The following ATXN1 variants were observed in gnomAD, a reference collection of about 807,000 sequenced individuals.
ATXN1 encodes the protein ataxin-1.
Under a neutral mutation model 56.4 loss-of-function variants are expected in ATXN1, and 8 were observed. The observed-to-expected ratio is 0.14, with a 90% CI of 0.08 to 0.26. The LOEUF is 0.26. Ranked by LOEUF, ATXN1 falls within the 10% of genes least tolerant of loss-of-function variation. The pLI, the probability that ATXN1 is intolerant of heterozygous loss-of-function variation, is 1.00. For synonymous variants in ATXN1, 514 were observed against 494.6 expected, an observed-to-expected ratio of 1.04 and a Z score of -0.52; for missense variants, 987 against 1,106.5, an observed-to-expected ratio of 0.89 and a Z score of 1.53.
At chr6:16,525,813 T>TC (rs1761381762) in intron 4 of ATXN1, among the ~76,000 whole-genome samples, 1 of 150,642 alleles carries the variant, frequency 6.6e-6, no homozygotes, top group Non-Finnish European at 1.5e-5. Context: ...AAATTAAAAA[T>TC]TAAAAAAAAA....
chr6:16,543,249 G>A (rs948620569), intron 4 of ATXN1, among the ~76,000 whole-genome samples: 3 of 152,126 alleles, frequency 2.0e-5, no homozygotes, highest in Non-Finnish European at 4.4e-5. Context: ...TGCGGGAGGG[G>A]ACATGTGGCC....
At chr6:16,453,763 T>C (rs1387046350) in intron 6 of ATXN1, among the ~76,000 whole-genome samples, 2 of 152,180 alleles carry the variant, frequency 1.3e-5, no homozygotes, top group Non-Finnish European at 2.9e-5. Flanking sequence ...ATATCTGCTG[T>C]ATAGGAATAA....
At chr6:16,715,452 C>T (rs1056315901) in intron 2 of ATXN1, among the ~76,000 whole-genome samples, 1 of 152,122 alleles carries the variant, frequency 6.6e-6, no homozygotes, top group Admixed American at 6.6e-5. Flanking sequence ...GGCAGTGGTT[C>T]CCAACATTTT....
intron 2 of ATXN1, among the ~76,000 whole-genome samples, chr6:16,700,215 T>C (rs930533057): frequency 6.6e-6 from 1 of 152,122 alleles, no homozygotes; most frequent in Non-Finnish European, 1.5e-5. Flanking sequence ...TCCATGCTGG[T>C]CAAACTGGCG....
At chr6:16,654,119 T>C (rs1251263443) in intron 3 of ATXN1, among the ~76,000 whole-genome samples, 1 of 152,218 alleles carries the variant, frequency 6.6e-6, no homozygotes, top group East Asian at 1.9e-4. Context: ...AACACTGGTC[T>C]GTGATTTGAT....
chr6:16,399,202 G>A (rs1310698699), intron 6 of ATXN1, among the ~76,000 whole-genome samples: 1 of 152,206 alleles, frequency 6.6e-6, no homozygotes, highest in Non-Finnish European at 1.5e-5. Flanking sequence ...ATGTGGCAGT[G>A]AATGCACAGA....
At chr6:16,752,319 G>C (rs1388860061) in intron 2 of ATXN1, among the ~76,000 whole-genome samples, 1 of 152,178 alleles carries the variant, frequency 6.6e-6, no homozygotes, top group Non-Finnish European at 1.5e-5. Flanking sequence ...GGCCGACCCA[G>C]GGGTTCCCAA....
At chr6:16,450,975 C>T (rs1453296287) in intron 6 of ATXN1, among the ~76,000 whole-genome samples, 1 of 152,088 alleles carries the variant, frequency 6.6e-6, no homozygotes, top group African/African-American at 2.4e-5. Flanking sequence ...TTAAAGTAGA[C>T]CCCCCCAAGG....
intron 2 of ATXN1, among the ~76,000 whole-genome samples, chr6:16,666,015 T>G (rs1201948978): frequency 6.6e-6 from 1 of 152,206 alleles, no homozygotes; most frequent in Non-Finnish European, 1.5e-5. Context: ...CTAGTTATTT[T>G]GAAATATACA....
intron 5 of ATXN1, among the ~76,000 whole-genome samples, chr6:16,499,646 A>C (rs1338307819): frequency 6.6e-6 from 1 of 152,194 alleles, no homozygotes; most frequent in East Asian, 1.9e-4. Flanking sequence ...TCTCTTTCCA[A>C]GCCCGACACC....
intron 2 of ATXN1, among the ~76,000 whole-genome samples, chr6:16,751,985 T>C (rs184349491): frequency 6.6e-6 from 1 of 152,350 alleles, no homozygotes; most frequent in Admixed American, 6.5e-5. Flanking sequence ...TGAAAGGACA[T>C]AGGACTACTC....
At chr6:16,674,171 T>C (rs574358257) in intron 2 of ATXN1, among the ~76,000 whole-genome samples, 9 of 152,182 alleles carry the variant, frequency 5.9e-5, no homozygotes, top group Non-Finnish European at 1.0e-4. Flanking sequence ...GACTTTTTTT[T>C]AAAATGGCCC....
At chr6:16,723,714 T>C (rs1490243424) in intron 2 of ATXN1, among the ~76,000 whole-genome samples, 2 of 152,120 alleles carry the variant, frequency 1.3e-5, no homozygotes, top group East Asian at 1.9e-4. Flanking sequence ...ATTAATAACA[T>C]AGTGCACTTC....
chr6:16,338,322 T>C (rs1375577604), intron 6 of ATXN1, among the ~76,000 whole-genome samples: 1 of 151,636 alleles, frequency 6.6e-6, no homozygotes, highest in Non-Finnish European at 1.5e-5. Flanking sequence ...TGAAATCCTG[T>C]CTCTACTAAA....
intron 6 of ATXN1, among the ~76,000 whole-genome samples, chr6:16,450,356 A>G (rs529909472): frequency 4.6e-5 from 7 of 152,338 alleles, no homozygotes; most frequent in African/African-American, 1.4e-4. Flanking sequence ...ACAATCACTG[A>G]TGCAACATGT....
intron 5 of ATXN1, among the ~76,000 whole-genome samples, chr6:16,488,411 A>G (rs1760593601): frequency 6.6e-6 from 1 of 152,180 alleles, no homozygotes; most frequent in Non-Finnish European, 1.5e-5. Context: ...TCTTGGACTT[A>G]AACAGCTTTT....
rs80085771 is a variant in ATXN1, at chr6:16,474,835, T to TACACAC, written c.-161+11131_-161+11136dup. Among the ~76,000 whole-genome samples the TACACAC allele has an allele frequency of 1.3e-3, 193 of 147,018 alleles. 1 individual carries two copies. The highest frequency in any genetic ancestry group is 4.6e-3 in the African/African-American group (183 of 40,168). Reference sequence around the variant, plus strand: ...CTAGCCTGTAGCATATGTGTGTGCATACACACACACACACACACACACACA... The same window carrying TACACAC: ...CTAGCCTGTAGCATATGTGTGTGCATACACACACACACACACACACACACACACACA... On this transcript the variant is annotated intron_variant, in intron 6 of 7. Transcript: ENST00000436367.
At chr6:16,472,368 C>T (rs900813695) in intron 6 of ATXN1, among the ~76,000 whole-genome samples, 1 of 152,170 alleles carries the variant, frequency 6.6e-6, no homozygotes, top group Non-Finnish European at 1.5e-5. Flanking sequence ...TAAAGCTGAG[C>T]TCATCCCTTC....
intron 3 of ATXN1, among the ~76,000 whole-genome samples, chr6:16,588,739 T>C (rs1027969494): frequency 2.0e-5 from 3 of 152,102 alleles, no homozygotes; most frequent in African/African-American, 7.2e-5. Flanking sequence ...GCTTTGCACA[T>C]TATGGGCACT....
Sources: allele counts gnomAD v4.1 joint callset (sites outside exome capture counted in the v4.1 genomes callset), GRCh38; gene constraint gnomAD v4.1.1; transcripts MANE v1.5; gene names NCBI Gene and HGNC (gene_info 2026-07-23, HGNC 2026-07-21).